The following PIP5K1C variants were observed in gnomAD, a reference collection of about 807,000 sequenced individuals.
PIP5K1C encodes the protein phosphatidylinositol 4-phosphate 5-kinase type-1 gamma.
Under a neutral mutation model 80.1 loss-of-function variants are expected in PIP5K1C, and 45 were observed. The ratio of observed to expected loss-of-function variants is 0.56; its 90% CI spans 0.44 to 0.72. The LOEUF is 0.72. Among genes scored for constraint, PIP5K1C ranks in the 30% least tolerant of loss-of-function variants. PIP5K1C has a pLI of 0.00. For synonymous variants in PIP5K1C, 498 were observed against 420.1 expected, an observed-to-expected ratio of 1.19 and a Z score of -2.27; for missense variants, 753 against 954.6, an observed-to-expected ratio of 0.79 and a Z score of 2.78.
At chr19:3,643,423 C>T (rs1188284636) in intron 12 of PIP5K1C, 42 bp from the exon 13 acceptor site, 2 of 1,609,680 alleles carry the variant, frequency 1.2e-6, no homozygotes, top group Admixed American at 1.7e-5. Flanking sequence ...AGCCTCCGAG[C>T]CCCCAAACAC....
intron 1 of PIP5K1C, among the ~76,000 whole-genome samples, chr19:3,687,838 G>A (rs2035811630): frequency 6.6e-6 from 1 of 151,964 alleles, no homozygotes; most frequent in African/African-American, 2.4e-5. Context: ...GCAGCAGGTG[G>A]GCGGGCAGGA....
chr19:3,680,039 G>A (rs1197059178), intron 1 of PIP5K1C, among the ~76,000 whole-genome samples: 1 of 152,220 alleles, frequency 6.6e-6, no homozygotes, highest in African/African-American at 2.4e-5. Flanking sequence ...CCCTCGGGGG[G>A]ACGTGGCAAA....
Position 3,648,763 on chromosome 19 carries a change from C to T in PIP5K1C, c.1128-55G>A. 1 of 1,509,260 alleles carries T rather than the reference C, an allele frequency of 6.6e-7. No individual in the cohort carries two copies. Among genetic ancestry groups the T allele is most frequent in the East Asian group, 2.3e-5 (1 of 44,284 alleles). The allele number at this position is 1,509,260 out of a possible 1,614,324, so 93.5% of individuals were successfully genotyped here. On this transcript the variant is annotated intron_variant, in intron 8 of 17. Coordinates refer to ENST00000335312, the MANE Select transcript of PIP5K1C (RefSeq NM_012398.3). This position sits in a 1 kb window ranked among gnomAD's most constrained non-coding sequence, Gnocchi z 4.3. ...CATCCCGCAGAGCTGGGACTCGGGG[C>T]AGGCGGGGCTGGGGACTCCAGGGCT...
At chr19:3,669,245 C>T (rs894370553) in intron 1 of PIP5K1C, among the ~76,000 whole-genome samples, 1 of 152,150 alleles carries the variant, frequency 6.6e-6, no homozygotes, top group East Asian at 1.9e-4. Context: ...CAGGAGGGTG[C>T]GGCAGGTGCC....
At chr19:3,633,744 G>A (rs906922191) in intron 16 of PIP5K1C, among the ~76,000 whole-genome samples, 17 of 152,278 alleles carry the variant, frequency 1.1e-4, no homozygotes, top group East Asian at 1.9e-4. Flanking sequence ...GGGGCACGGC[G>A]GGCGGCAGAA....
rs971201228 is a variant in PIP5K1C at position 3,662,116 on chromosome 19, G to A, written c.220-115C>T. ...AGCTGCAGCTTGGGACCCGGCACCT[G>A]CCAACCCCCTCCTGGTGGTCCCCGG... On this transcript the variant is annotated intron_variant, in intron 3 of 17. Coordinates refer to ENST00000335312, the MANE Select transcript of PIP5K1C (RefSeq NM_012398.3). The A allele has an allele frequency of 4.0e-5, 52 of 1,293,436 alleles. No homozygotes were observed. The East Asian group carries it at 1.2e-3, about 29-fold the overall frequency. 80.1% of individuals were successfully genotyped at this position (1,293,436 alleles called of 1,614,324 possible).
At chr19:3,679,754 C>T (rs1357952551) in intron 1 of PIP5K1C, among the ~76,000 whole-genome samples, 5 of 152,168 alleles carry the variant, frequency 3.3e-5, no homozygotes, top group Admixed American at 2.0e-4. Flanking sequence ...AGGCTTGGGT[C>T]AGATGTGCTG....
intron 1 of PIP5K1C, among the ~76,000 whole-genome samples, chr19:3,699,017 G>A (rs976624955): frequency 6.7e-6 from 1 of 150,152 alleles, no homozygotes; most frequent in Non-Finnish European, 1.5e-5. Context: ...TGTCCCCGGT[G>A]CTCCCAGAGC....
chr19:3,637,365 G>A lies in PIP5K1C; in HGVS notation c.1920+1519C>T, dbSNP rs958292161. ...TTCCCAGTGACGCATGCAGCCCAGCGCCTGGTCCGGGGCCAGCGTGGCTGA... is the reference window on the plus strand; with the variant it reads ...TTCCCAGTGACGCATGCAGCCCAGCACCTGGTCCGGGGCCAGCGTGGCTGA... On this transcript the variant is annotated intron_variant, in intron 16 of 17. Transcript: ENST00000335312. The surrounding 1 kb of genome is among the most constrained non-coding windows in gnomAD (Gnocchi z 7.0). 1.8e-5 allele frequency: 28 copies of A among 1,535,334 alleles called. No individual in the cohort carries two copies. The highest frequency in any genetic ancestry group is 5.9e-5 in the Admixed American group (3 of 50,980).
At chr19:3,659,323 CAGA>C (rs1308933665) in intron 5 of PIP5K1C, among the ~76,000 whole-genome samples, 1 of 152,250 alleles carries the variant, frequency 6.6e-6, no homozygotes, top group Non-Finnish European at 1.5e-5. Flanking sequence ...CTGAGATGAG[CAGA>C]AGGATTCGGG....
At chr19:3,678,324 G>A (rs557541124) in intron 1 of PIP5K1C, among the ~76,000 whole-genome samples, 1 of 137,832 alleles carries the variant, frequency 7.3e-6, no homozygotes, top group Non-Finnish European at 1.6e-5. Context: ...ATGGAGGGAC[G>A]GAGGGATGCA....
intron 1 of PIP5K1C, among the ~76,000 whole-genome samples, chr19:3,678,612 A>C (rs1261882064): frequency 1.7e-5 from 2 of 114,454 alleles, no homozygotes; most frequent in Admixed American, 8.6e-5. Context: ...GGAGGGGTGG[A>C]AGGAGGGATG....
intron 1 of PIP5K1C, among the ~76,000 whole-genome samples, chr19:3,681,940 G>A (rs926079903): frequency 3.9e-5 from 6 of 152,132 alleles, no homozygotes; most frequent in African/African-American, 1.2e-4. Context: ...CTCCTTCCCC[G>A]TCAGCCTGGC....
rs1002426307 is a variant in PIP5K1C, at chr19:3,696,735, GGGGAGGGCA to G, written c.94+3553_94+3561del. On this transcript the variant is annotated intron_variant, in intron 1 of 17. Coordinates refer to ENST00000335312, the MANE Select transcript of PIP5K1C (RefSeq NM_012398.3). This position sits in a 1 kb window ranked among gnomAD's most constrained non-coding sequence, Gnocchi z 4.1. ...GAGGGCAGGGAGGGCAGAGTGCGGA[GGGGAGGGCA>G]GGGAGGGCAGGGAGGGCCCGGGGCA... Among the ~76,000 whole-genome samples, 79 of 102,150 alleles carry G rather than the reference GGGGAGGGCA, an allele frequency of 7.7e-4. 1 individual carries two copies. The East Asian group carries it at 0.013, about 17-fold the overall frequency. 67.0% of individuals were successfully genotyped at this position (102,150 alleles called of 152,430 possible). A position where few individuals can be genotyped will look rare whatever the true frequency, so the allele number is the denominator to read the frequency against.
At chr19:3,645,899 A>G (rs2034193257) in intron 11 of PIP5K1C, 75 bp downstream of exon 11, 1 of 1,153,626 alleles carries the variant, frequency 8.7e-7, no homozygotes, top group Middle Eastern at 1.9e-4. Context: ...GGCCTCCCGC[A>G]GAGTCCCTCC....
chr19:3,697,076 A>AAGGAGGACCGAGCTGGACCG (rs2036137759), intron 1 of PIP5K1C, among the ~76,000 whole-genome samples: 1 of 123,708 alleles, frequency 8.1e-6, no homozygotes, highest in African/African-American at 3.2e-5. Flanking sequence ...GAGCTGGACC[A>AAGGAGGACCGAGCTGGACCG]AGGAGGACCG....
In PIP5K1C at chr19:3,633,121, C is replaced by A. The variant is rs377389017; in HGVS notation, c.*46G>T. On this transcript the variant is annotated 3_prime_UTR_variant, in exon 18 of 18. Coordinates refer to ENST00000335312, the MANE Select transcript of PIP5K1C (RefSeq NM_012398.3). ...GGTGGGCAGCGCCTTCGGGGGCAGC[C>A]GGAGCAGAAGTGGAGCTCGGCTCTG... 2.7e-5 allele frequency: 20 copies of A among 745,264 alleles called. No individual in the cohort carries two copies. The East Asian group carries it at 4.6e-4, about 17-fold the overall frequency. The allele number at this position is 745,264 out of a possible 1,614,324, so 46.2% of individuals were successfully genotyped here. A position where few individuals can be genotyped will look rare whatever the true frequency, so the allele number is the denominator to read the frequency against.
rs1279906423 is a variant in PIP5K1C, at chr19:3,696,535, G to A, written c.94+3762C>T. Among the ~76,000 whole-genome samples, 1 of 151,148 alleles carries A rather than the reference G, an allele frequency of 6.6e-6. No homozygotes were observed. The highest frequency in any genetic ancestry group is 2.4e-5 in the African/African-American group (1 of 41,034). Reference sequence around the variant, plus strand: ...GCAGGGCAGGGAGGCCTCACGGAGAGGAGATGCTCCCACAAAACCTGGAAA... The same window carrying A: ...GCAGGGCAGGGAGGCCTCACGGAGAAGAGATGCTCCCACAAAACCTGGAAA... On this transcript the variant is annotated intron_variant, in intron 1 of 17. Transcript: ENST00000335312. The surrounding 1 kb of genome is among the most constrained non-coding windows in gnomAD (Gnocchi z 4.1).
At chr19:3,638,300 G>A (rs563099850) in intron 16 of PIP5K1C, among the ~76,000 whole-genome samples, 1 of 152,252 alleles carries the variant, frequency 6.6e-6, no homozygotes, top group South Asian at 2.1e-4. Flanking sequence ...GGTCCCCAGG[G>A]CCGGGCAGAC....
Sources: gnomAD v4.1 joint callset for allele counts (sites outside exome capture counted in the v4.1 genomes callset) on GRCh38, gnomAD v4.1.1 for gene constraint, Gnocchi (gnomAD v3.1) non-coding constraint, MANE v1.5 for transcripts, NCBI Gene and HGNC (gene_info 2026-07-23, HGNC 2026-07-21) for gene names.